ZBTB2: variants seen among roughly 807,000 people sequenced by gnomAD.
The protein encoded by ZBTB2 is zinc finger and BTB domain-containing protein 2.
Under a neutral mutation model 39.5 loss-of-function variants are expected in ZBTB2, and 2 were observed. That is an observed-to-expected ratio of 0.05 (90% CI 0.02 to 0.16). The LOEUF (loss-of-function observed/expected upper bound fraction) is 0.16. Among genes scored for constraint, ZBTB2 ranks in the 10% least tolerant of loss-of-function variants. The pLI is 1.00. For missense variants in ZBTB2, 391 were observed against 653.0 expected (o/e 0.60, Z 4.37); for synonymous variants, 251 against 256.6 (o/e 0.98, Z 0.21).
chr6:151,389,162 CT>C (rs1389560165), intron 1 of ZBTB2, among the ~76,000 whole-genome samples: 1 of 152,168 alleles, frequency 6.6e-6, no homozygotes, highest in South Asian at 2.1e-4. Flanking sequence ...TGGCTCACCC[CT>C]GTAATCCCAG....
At position 151,365,619 on chromosome 6, in the gene ZBTB2, A is replaced by T; in HGVS notation, c.1447T>A (p.Ser483Thr). The T allele has an allele frequency of 6.2e-7, 1 of 1,614,202 alleles. No homozygotes were observed. Among genetic ancestry groups the T allele is most frequent in the Non-Finnish European group, 8.5e-7 (1 of 1,180,034 alleles). Residue 483 changes from serine (S) to threonine (T), a missense_variant, in exon 3 of 3, where the codon TCC becomes ACC. Coordinates refer to ENST00000325144, the MANE Select transcript of ZBTB2 (RefSeq NM_020861.3). The surrounding 1 kb of genome is among the most constrained non-coding windows in gnomAD (Gnocchi z 5.6). The stretch of plus-strand genomic sequence containing the variant: ...GAGTCCCCACTGCCCAGGAGAATGG[A>T]TCGCCCTTCGTCTAGGGCAAAAACA... ...SDVFALDEGRSILLGSGDSEV... is the reference protein window; with the variant it reads ...SDVFALDEGRTILLGSGDSEV...
rs528388644 is a variant in ZBTB2 at position 151,390,335 on chromosome 6, C to T, written c.-13+1085G>A. Among the ~76,000 whole-genome samples the T allele has an allele frequency of 1.2e-3, 140 of 121,388 alleles. No homozygotes were observed. In the East Asian group the frequency reaches 0.046, roughly 40 times the overall value. The allele number at this position is 121,388 out of a possible 152,430, so 79.6% of individuals were successfully genotyped here. On this transcript the variant is annotated intron_variant, in intron 1 of 2. Transcript: ENST00000325144. ...GGGGCCCTCTGGCCCCCTCCGGTCT[C>T]GCCGGCCCCGCCCCCTCCCTGTCCC...
intron 1 of ZBTB2, among the ~76,000 whole-genome samples, chr6:151,383,304 C>G (rs1270129565): frequency 6.6e-6 from 1 of 152,156 alleles, no homozygotes; most frequent in Admixed American, 6.5e-5. Flanking sequence ...CCTGCCTCAG[C>G]CTCCTGAGTA....
At chr6:151,372,715 AGAG>A (rs1015244109) in intron 2 of ZBTB2, among the ~76,000 whole-genome samples, 1 of 152,136 alleles carries the variant, frequency 6.6e-6, no homozygotes, top group Admixed American at 6.6e-5. Flanking sequence ...GCTTCTTGTT[AGAG>A]GAGGAGACAA....
rs748348568 is a variant in ZBTB2 at position 151,369,086 on chromosome 6, T to C, written c.174-2194A>G. Among the ~76,000 whole-genome samples, 6 of 152,298 alleles carry C rather than the reference T, an allele frequency of 3.9e-5. No individual in the cohort carries two copies. The Middle Eastern group carries it at 0.01, about 259-fold the overall frequency. ...CTGACTTTGGTGTAAATTTTGTAATTCTTTTCTCATTCATTGTTGGATAGG... is the reference window on the plus strand; with the variant it reads ...CTGACTTTGGTGTAAATTTTGTAATCCTTTTCTCATTCATTGTTGGATAGG... On this transcript the variant is annotated intron_variant, in intron 2 of 2. Coordinates refer to ENST00000325144, the MANE Select transcript of ZBTB2 (RefSeq NM_020861.3).
intron 1 of ZBTB2, among the ~76,000 whole-genome samples, chr6:151,391,164 G>A (rs903893530): frequency 2.0e-5 from 3 of 150,818 alleles, no homozygotes; most frequent in African/African-American, 7.3e-5. Context: ...CCCGGCGCCA[G>A]GCGCAGCCGC....
intron 1 of ZBTB2, among the ~76,000 whole-genome samples, chr6:151,375,975 G>GAATTAATAGAACAGAGACAGAGAATA (rs1778900232): frequency 6.6e-6 from 1 of 150,514 alleles, no homozygotes; most frequent in Non-Finnish European, 1.5e-5. Context: ...ATTGGCAGAG[G>GAATTAATAGAACAGAGACAGAGAATA]GACAGAGAAG....
At chr6:151,370,697 CTGACCGTA>C (rs1442345596) in intron 2 of ZBTB2, among the ~76,000 whole-genome samples, 1 of 152,184 alleles carries the variant, frequency 6.6e-6, no homozygotes, top group Non-Finnish European at 1.5e-5. Flanking sequence ...CTTGAAAAAA[CTGACCGTA>C]TTCTCAGTCT....
At chr6:151,390,616 G>C (rs994263770) in intron 1 of ZBTB2, among the ~76,000 whole-genome samples, 4 of 151,486 alleles carry the variant, frequency 2.6e-5, no homozygotes, top group Admixed American at 6.6e-5. Flanking sequence ...CGAGACCCGA[G>C]GAGGCCGGAA....
At chr6:151,371,469 G>A (rs1778787456) in intron 2 of ZBTB2, among the ~76,000 whole-genome samples, 1 of 152,174 alleles carries the variant, frequency 6.6e-6, no homozygotes, top group East Asian at 1.9e-4. Flanking sequence ...TGACTGGGAG[G>A]GGTCCTGCAT....
chr6:151,372,852 G>A (rs747712048), intron 2 of ZBTB2, among the ~76,000 whole-genome samples: 3 of 151,920 alleles, frequency 2.0e-5, no homozygotes, highest in Non-Finnish European at 2.9e-5. Flanking sequence ...TGGGTGGCTG[G>A]CTTTATAATG....
Position 151,366,022 on chromosome 6 carries a change from G to A in ZBTB2, c.1044C>T (p.Asn348=). Residue 348 remains asparagine (N), a synonymous_variant, in exon 3 of 3, where the codon AAC becomes AAT. Transcript: ENST00000325144. This position sits in a 1 kb window ranked among gnomAD's most constrained non-coding sequence, Gnocchi z 7.1. ...PPPSDIADID[N]LEQADQEREV... ...CCCTCTCCTGGTCGGCCTGCTCCAG[G>A]TTGTCAATGTCAGCAATGTCTGAGG... 2 of 1,614,138 alleles carry A rather than the reference G, an allele frequency of 1.2e-6. No individual in the cohort carries two copies. Among genetic ancestry groups the A allele is most frequent in the Non-Finnish European group, 1.7e-6 (2 of 1,180,028 alleles).
At chr6:151,389,978 A>T (rs1425273622) in intron 1 of ZBTB2, among the ~76,000 whole-genome samples, 1 of 151,904 alleles carries the variant, frequency 6.6e-6, no homozygotes, top group Non-Finnish European at 1.5e-5. Context: ...CGAGAAAACG[A>T]CGCCGGCCCC....
intron 2 of ZBTB2, among the ~76,000 whole-genome samples, chr6:151,371,689 G>A (rs75028289): frequency 6.6e-6 from 1 of 152,182 alleles, no homozygotes; most frequent in Non-Finnish European, 1.5e-5. Flanking sequence ...AATATGCACT[G>A]GGCATCCCCG....
intron 2 of ZBTB2, among the ~76,000 whole-genome samples, chr6:151,373,232 C>T (rs1316324103): frequency 6.8e-6 from 1 of 147,492 alleles, no homozygotes; most frequent in Non-Finnish European, 1.5e-5. Flanking sequence ...AGGTGACACC[C>T]AGCGAGGGCA....
intron 2 of ZBTB2, among the ~76,000 whole-genome samples, chr6:151,371,722 C>G (rs1778793338): frequency 6.6e-6 from 1 of 152,036 alleles, no homozygotes; most frequent in Non-Finnish European, 1.5e-5. Flanking sequence ...CAACGAATAA[C>G]CCAGTATAGT....
Position 151,373,653 on chromosome 6 carries a change from C to CA in ZBTB2, c.-12-5dup. On this transcript the variant is annotated splice_polypyrimidine_tract_variant and splice_region_variant and intron_variant, in intron 1 of 2. Transcript: ENST00000325144. ...CCAAATCCATTTTTTAAAAAATCTG[C>CA]AAAGCAAACAATTTTATTTTTAAGA... The CA allele has an allele frequency of 6.2e-7, 1 of 1,608,838 alleles. No individual in the cohort carries two copies. The highest frequency in any genetic ancestry group is 8.5e-7 in the Non-Finnish European group (1 of 1,177,000).
At chr6:151,387,442 G>A (rs181330047) in intron 1 of ZBTB2, among the ~76,000 whole-genome samples, 1 of 152,158 alleles carries the variant, frequency 6.6e-6, no homozygotes, top group African/African-American at 2.4e-5. Flanking sequence ...ATTGAATCCT[G>A]AAAGGATCCT....
At chr6:151,382,004 T>C (rs1396366671) in intron 1 of ZBTB2, among the ~76,000 whole-genome samples, 4 of 152,158 alleles carry the variant, frequency 2.6e-5, no homozygotes, top group South Asian at 4.1e-4. Context: ...ACAAATCTAG[T>C]TGGTATAGCC....
Sources: allele counts gnomAD v4.1 joint callset (sites outside exome capture counted in the v4.1 genomes callset), GRCh38; gene constraint gnomAD v4.1.1; non-coding constraint Gnocchi (gnomAD v3.1); transcripts MANE v1.5; gene names NCBI Gene and HGNC (gene_info 2026-07-23, HGNC 2026-07-21).